The following ZNF536 variants were observed in gnomAD, a reference collection of about 807,000 sequenced individuals.
The protein encoded by ZNF536 is zinc finger protein 536.
A neutral mutation model predicts 84.5 loss-of-function variants in ZNF536; 13 were observed. The observed-to-expected ratio is 0.15, with a 90% CI of 0.10 to 0.24. The LOEUF (loss-of-function observed/expected upper bound fraction) is 0.24. ZNF536 is among the 10% of genes least tolerant of loss of function. The pLI is 1.00. For synonymous variants in ZNF536, 811 were observed against 742.5 expected, an observed-to-expected ratio of 1.09 and a Z score of -1.50; for missense variants, 1,536 against 1,747.5, an observed-to-expected ratio of 0.88 and a Z score of 2.16.
At chr19:30,321,239 G>A (rs2046844597) in intron 2 of ZNF536, among the ~76,000 whole-genome samples, 1 of 152,154 alleles carries the variant, frequency 6.6e-6, no homozygotes, top group African/African-American at 2.4e-5. Context: ...CCCTACAACT[G>A]CCCTCACCAT....
At chr19:30,329,103 G>A (rs772145399) in intron 2 of ZNF536, among the ~76,000 whole-genome samples, 1 of 152,204 alleles carries the variant, frequency 6.6e-6, no homozygotes, top group Non-Finnish European at 1.5e-5. Flanking sequence ...AGCTATCTAA[G>A]AGAGGCCTCT....
At position 30,270,646 on chromosome 19, in the gene ZNF536, T is replaced by A. The variant is rs545768419; in HGVS notation, c.-189-13426T>A. ...AGTGATGGAAGATCATGTGACGGTT[T>A]GGTGAATTATCCATCGGTATCATCT... On this transcript the variant is annotated intron_variant, in intron 1 of 5. Transcript: ENST00000585628. 3.9e-5 allele frequency among the ~76,000 whole-genome samples: 6 copies of A among 152,328 alleles called. No homozygotes were observed. The South Asian group carries it at 1.2e-3, about 32-fold the overall frequency.
chr19:30,437,737 G>T (rs1395672898), intron 1 of ZNF536, among the ~76,000 whole-genome samples: 1 of 152,202 alleles, frequency 6.6e-6, no homozygotes, highest in African/African-American at 2.4e-5. Flanking sequence ...ACATTGGGGG[G>T]ATGATGCTGC....
intron 2 of ZNF536, among the ~76,000 whole-genome samples, chr19:30,530,596 C>T (rs2044765498): frequency 2.0e-5 from 3 of 152,196 alleles, no homozygotes; most frequent in African/African-American, 7.2e-5. Context: ...ATCTGCTGGC[C>T]TCGGCCTCCC....
chr19:30,368,594 G>A (rs1478248725), upstream of ZNF536, among the ~76,000 whole-genome samples: 2 of 152,218 alleles, frequency 1.3e-5, no homozygotes, highest in Non-Finnish European at 2.9e-5. Flanking sequence ...GATTTTTCAA[G>A]CAAAAGCAGG....
At chr19:30,362,309 G>A (rs1289075790) in intron 3 of ZNF536, among the ~76,000 whole-genome samples, 2 of 152,046 alleles carry the variant, frequency 1.3e-5, no homozygotes, top group East Asian at 1.9e-4. Flanking sequence ...AGTGAGCTCC[G>A]GAAGATGAGA....
At chr19:30,312,458 T>C (rs1322318931) in intron 2 of ZNF536, among the ~76,000 whole-genome samples, 1 of 152,234 alleles carries the variant, frequency 6.6e-6, no homozygotes, top group African/African-American at 2.4e-5. Flanking sequence ...CCAAAGCAAC[T>C]TCCAAAAACA....
intron 1 of ZNF536, among the ~76,000 whole-genome samples, chr19:30,632,643 CAACCAACA>C (rs1291209862): frequency 1.9e-4 from 18 of 94,412 alleles, no homozygotes; most frequent in African/African-American, 6.2e-4. Context: ...ACCAACCAAT[CAACCAACA>C]AACCAACCAA....
At chr19:30,261,434 G>C (rs1356665839) in intron 1 of ZNF536, among the ~76,000 whole-genome samples, 1 of 151,936 alleles carries the variant, frequency 6.6e-6, no homozygotes, top group East Asian at 1.9e-4. Context: ...GCTCATGCCT[G>C]TAGGTGCTAT....
rs551613017 is a variant in ZNF536, at chr19:30,318,051, C to T, written c.-120+33910C>T. 4.6e-5 allele frequency among the ~76,000 whole-genome samples: 7 copies of T among 152,310 alleles called. No individual in the cohort carries two copies. In the South Asian group the frequency reaches 8.3e-4, roughly 18 times the overall value. On this transcript the variant is annotated intron_variant, in intron 2 of 5. Coordinates refer to the ZNF536 transcript ENST00000585628. ...GTGTCTAGCCGTCTCCACAGTGGCA[C>T]GCAGGATACTGGCAGAACGGCCAAG...
intron 1 of ZNF536, among the ~76,000 whole-genome samples, chr19:30,643,726 G>T (rs1476436533): frequency 6.6e-6 from 1 of 152,134 alleles, no homozygotes; most frequent in East Asian, 1.9e-4. Context: ...CACGTACATT[G>T]TATGTTCACT....
chr19:30,426,009 C>A (rs1383795073), intron 1 of ZNF536, among the ~76,000 whole-genome samples: 2 of 152,100 alleles, frequency 1.3e-5, no homozygotes, highest in Non-Finnish European at 2.9e-5. Flanking sequence ...TTCAGGGTTC[C>A]CCTCCCAGCA....
intron 1 of ZNF536, among the ~76,000 whole-genome samples, chr19:30,613,748 A>G (rs2048183653): frequency 1.3e-5 from 2 of 152,242 alleles, no homozygotes; most frequent in Non-Finnish European, 2.9e-5. Flanking sequence ...AAATTGAGCG[A>G]CCATAGATAA....
chr19:30,630,400 C>CGT (rs3028497), intron 1 of ZNF536, among the ~76,000 whole-genome samples: 147 of 150,000 alleles, frequency 9.8e-4, no homozygotes, highest in Middle Eastern at 3.4e-3. Flanking sequence ...GGAAGTATCC[C>CGT]GTGTGTGTGT....
In ZNF536 at chr19:30,356,197, A is replaced by G. The variant is rs531445646; in HGVS notation, c.-3+3713A>G. Reference sequence around the variant, plus strand: ...TCAGGGCATGGTTGTCCAGCCTTCTATAGCTTTATCCTTTAGAAAGACCTC... The same window carrying G: ...TCAGGGCATGGTTGTCCAGCCTTCTGTAGCTTTATCCTTTAGAAAGACCTC... On this transcript the variant is annotated intron_variant, in intron 3 of 5. Transcript: ENST00000585628. 2.0e-5 allele frequency among the ~76,000 whole-genome samples: 3 copies of G among 152,368 alleles called. No individual in the cohort carries two copies. The South Asian group carries it at 6.2e-4, about 32-fold the overall frequency.
intron 2 of ZNF536, among the ~76,000 whole-genome samples, chr19:30,348,338 G>A (rs2047815335): frequency 6.6e-6 from 1 of 152,178 alleles, no homozygotes; most frequent in South Asian, 2.1e-4. Context: ...GGCTCACTAA[G>A]TTGAATAAAC....
chr19:30,306,190 A>C (rs1356079443), intron 2 of ZNF536, among the ~76,000 whole-genome samples: 1 of 132,916 alleles, frequency 7.5e-6, no homozygotes, highest in African/African-American at 2.9e-5. Context: ...CCTGGAGAGA[A>C]TTTTTTTTTT....
intron 1 of ZNF536, among the ~76,000 whole-genome samples, chr19:30,423,491 T>C (rs992752448): frequency 6.6e-6 from 1 of 152,216 alleles, no homozygotes; most frequent in Non-Finnish European, 1.5e-5. Flanking sequence ...GGCTATTCTA[T>C]GCCCTTAATG....
At chr19:30,352,767 C>T (rs1022335718) in intron 3 of ZNF536, among the ~76,000 whole-genome samples, 1 of 152,066 alleles carries the variant, frequency 6.6e-6, no homozygotes, top group African/African-American at 2.4e-5. Context: ...ACAAAGAGAT[C>T]GTGAAAAAAT....
Sources: gnomAD v4.1 joint callset for allele counts (sites outside exome capture counted in the v4.1 genomes callset) on GRCh38, gnomAD v4.1.1 for gene constraint, MANE v1.5 for transcripts, NCBI Gene and HGNC (gene_info 2026-07-23, HGNC 2026-07-21) for gene names.